The following MOCOS variants were observed in gnomAD, a reference collection of about 807,000 sequenced individuals.
MOCOS encodes human molybdenum cofactor sulfurase.
Under a neutral mutation model 83.6 loss-of-function variants are expected in MOCOS, and 86 were observed. The ratio of observed to expected loss-of-function variants is 1.03; its 90% CI spans 0.86 to 1.23. The LOEUF (loss-of-function observed/expected upper bound fraction) is 1.23, where lower values mean the gene tolerates loss of function less well. Ranked by LOEUF, MOCOS falls within the 50% of genes most tolerant of loss-of-function variation. The pLI, the probability that MOCOS is intolerant of heterozygous loss-of-function variation, is 0.00. For missense variants in MOCOS, 1,120 were observed against 1,126.9 expected (o/e 0.99, Z 0.09); for synonymous variants, 445 against 434.7 (o/e 1.02, Z -0.29).
At position 36,268,802 on chromosome 18, in the gene MOCOS, G is replaced by A; in HGVS notation, c.*117G>A. 1 of 883,988 alleles carries A rather than the reference G, an allele frequency of 1.1e-6. No individual in the cohort carries two copies. Among genetic ancestry groups the A allele is most frequent in the Non-Finnish European group, 1.8e-6 (1 of 560,208 alleles). The allele number at this position is 883,988 out of a possible 1,614,324, so 54.8% of individuals were successfully genotyped here. ...TAAGGAGAGCTCTTTTTCTTTAGAG[G>A]CAGGGAATGCTCTCACCTGCTTCCT... On this transcript the variant is annotated 3_prime_UTR_variant, in exon 15 of 15. Coordinates refer to ENST00000261326, the MANE Select transcript of MOCOS (RefSeq NM_017947.4).
intron 10 of MOCOS, among the ~76,000 whole-genome samples, chr18:36,250,458 C>T (rs1403834719): frequency 6.6e-6 from 1 of 152,014 alleles, no homozygotes; most frequent in African/African-American, 2.4e-5. Context: ...AAGGGCTATA[C>T]CCCCAGGAAA....
At chr18:36,199,660 C>T (rs376169490) in intron 3 of MOCOS, 23 bp from the exon 4 acceptor site, 16 of 1,612,248 alleles carry the variant, frequency 9.9e-6, no homozygotes, top group East Asian at 4.5e-5. Flanking sequence ...CCGCGGGTTG[C>T]GGGGATGCTG....
At chr18:36,219,670 C>G (rs2091488603) in intron 8 of MOCOS, among the ~76,000 whole-genome samples, 1 of 152,138 alleles carries the variant, frequency 6.6e-6, no homozygotes, top group Non-Finnish European at 1.5e-5. Flanking sequence ...CAGAGCAAGA[C>G]TCCATCTTAA....
chr18:36,268,129 C>T (rs2091687531), intron 14 of MOCOS, among the ~76,000 whole-genome samples: 1 of 152,216 alleles, frequency 6.6e-6, no homozygotes, highest in Non-Finnish European at 1.5e-5. Flanking sequence ...TTGCATCATT[C>T]TTTCTCAAGG....
chr18:36,258,538 C>T (rs1598594870), intron 12 of MOCOS, among the ~76,000 whole-genome samples: 3 of 152,050 alleles, frequency 2.0e-5, no homozygotes, highest in Non-Finnish European at 4.4e-5. Context: ...TCAGGTATCC[C>T]GGTCTCTGGC....
chr18:36,203,227 G>A (rs369686655), intron 5 of MOCOS, 38 bp downstream of exon 5: 6 of 1,585,118 alleles, frequency 3.8e-6, no homozygotes, highest in South Asian at 1.1e-5. Context: ...ATTTGCTCCT[G>A]TTGTGTCCTT....
At chr18:36,198,828 A>G in intron 3 of MOCOS, 72 bp downstream of exon 3, 2 of 1,523,366 alleles carry the variant, frequency 1.3e-6, no homozygotes, top group Non-Finnish European at 1.8e-6. Flanking sequence ...ACTTGCCTGC[A>G]TCCCACAAAA....
rs528718251 is a variant in MOCOS, at chr18:36,233,887, G to T, written c.1960+13670G>T. 5.8e-5 allele frequency among the ~76,000 whole-genome samples: 8 copies of T among 137,356 alleles called. No homozygotes were observed. In the East Asian group the frequency reaches 6.6e-4, roughly 11 times the overall value. The allele number at this position is 137,356 out of a possible 152,430, so 90.1% of individuals were successfully genotyped here. On this transcript the variant is annotated intron_variant, in intron 9 of 14. Coordinates refer to ENST00000261326, the MANE Select transcript of MOCOS (RefSeq NM_017947.4). ...GCCCACTTTTTGATGAGATTATTTG[G>T]TTTTTGTTGCTGATTTGTTTGAGTT...
intron 9 of MOCOS, among the ~76,000 whole-genome samples, chr18:36,231,785 G>A (rs1471284646): frequency 6.6e-6 from 1 of 152,158 alleles, no homozygotes; most frequent in Non-Finnish European, 1.5e-5. Context: ...TTTACAGAGT[G>A]TCCCTGGGGC....
intron 9 of MOCOS, among the ~76,000 whole-genome samples, chr18:36,234,842 C>T (rs1268956042): frequency 6.6e-6 from 1 of 152,142 alleles, no homozygotes; most frequent in East Asian, 1.9e-4. Flanking sequence ...ACCTTCTTCA[C>T]ATGGTGGCAA....
chr18:36,241,582 G>T (rs2091582866), intron 9 of MOCOS, among the ~76,000 whole-genome samples: 1 of 152,194 alleles, frequency 6.6e-6, no homozygotes, highest in Non-Finnish European at 1.5e-5. Context: ...CTGGGGTCTG[G>T]AGGACAGTGG....
chr18:36,214,193 G>A (rs1195800435), intron 7 of MOCOS, among the ~76,000 whole-genome samples: 2 of 137,392 alleles, frequency 1.5e-5, no homozygotes. Context: ...GTGGTGAGCT[G>A]AGATTCTGCC....
intron 9 of MOCOS, among the ~76,000 whole-genome samples, chr18:36,238,434 T>C (rs1319559847): frequency 6.6e-6 from 1 of 150,378 alleles, no homozygotes; most frequent in Non-Finnish European, 1.5e-5. Context: ...TTCCATGTAG[T>C]TGAGCGGTTT....
intron 6 of MOCOS, among the ~76,000 whole-genome samples, chr18:36,210,872 A>AAAAAAAAAAAAAAG (rs1452621472): frequency 7.1e-6 from 1 of 140,844 alleles, no homozygotes; most frequent in Non-Finnish European, 1.6e-5. Flanking sequence ...AAAAAAAAAA[A>AAAAAAAAAAAAAAG]AAAAAAAAGT....
intron 6 of MOCOS, among the ~76,000 whole-genome samples, chr18:36,212,338 G>A (rs1356126715): frequency 1.3e-5 from 2 of 152,206 alleles, no homozygotes; most frequent in Non-Finnish European, 2.9e-5. Context: ...ATATGGGGGA[G>A]TGGGTGAGGG....
At chr18:36,191,511 A>G (rs1192740417) in intron 1 of MOCOS, among the ~76,000 whole-genome samples, 1 of 152,198 alleles carries the variant, frequency 6.6e-6, no homozygotes, top group Non-Finnish European at 1.5e-5. Flanking sequence ...TGGCATGATC[A>G]TAGCTCACTG....
chr18:36,246,459 G>A (rs1315577503), intron 9 of MOCOS, among the ~76,000 whole-genome samples: 1 of 152,224 alleles, frequency 6.6e-6, no homozygotes, highest in Non-Finnish European at 1.5e-5. Context: ...TGTCTGCAAA[G>A]AGTCCTGTGA....
At chr18:36,267,375 G>C (rs996981083) in intron 14 of MOCOS, among the ~76,000 whole-genome samples, 1 of 152,210 alleles carries the variant, frequency 6.6e-6, no homozygotes, top group Non-Finnish European at 1.5e-5. Flanking sequence ...TATACTTTCT[G>C]TTAGGACTTT....
chr18:36,260,661 G>A (rs562473511), intron 13 of MOCOS, among the ~76,000 whole-genome samples: 7 of 152,084 alleles, frequency 4.6e-5, no homozygotes, highest in Non-Finnish European at 1.0e-4. Flanking sequence ...AAGCCACCAC[G>A]ATGTCCTCTG....
Sources: gnomAD v4.1 joint callset for allele counts (sites outside exome capture counted in the v4.1 genomes callset) on GRCh38, gnomAD v4.1.1 for gene constraint, MANE v1.5 for transcripts, NCBI Gene and HGNC (gene_info 2026-07-23, HGNC 2026-07-21) for gene names.